The following OSBPL8 variants were observed in gnomAD, a reference collection of about 807,000 sequenced individuals.
The protein encoded by OSBPL8 is oxysterol-binding protein-related protein 8.
Under a neutral mutation model 125.5 loss-of-function variants are expected in OSBPL8, and 59 were observed. The observed-to-expected ratio is 0.47, with a 90% confidence interval of 0.38 to 0.58. The LOEUF (loss-of-function observed/expected upper bound fraction) is 0.58. OSBPL8 is among the 20% of genes least tolerant of loss of function. OSBPL8 has a pLI of 0.00. For missense variants in OSBPL8, 758 were observed against 1,047.8 expected (o/e 0.72, Z 3.82); for synonymous variants, 330 against 338.9 (o/e 0.97, Z 0.29).
At chr12:76,511,367 A>G (rs1248589984) in intron 1 of OSBPL8, among the ~76,000 whole-genome samples, 1 of 152,222 alleles carries the variant, frequency 6.6e-6, no homozygotes, top group Admixed American at 6.5e-5. Flanking sequence ...CCAACAGTGT[A>G]TAAGTGTTCC....
At chr12:76,556,128 A>G (rs1192366891) in intron 1 of OSBPL8, among the ~76,000 whole-genome samples, 1 of 152,088 alleles carries the variant, frequency 6.6e-6, no homozygotes, top group Non-Finnish European at 1.5e-5. Context: ...ACATTATCAG[A>G]TACTCCTTTT....
intron 1 of OSBPL8, among the ~76,000 whole-genome samples, chr12:76,507,022 A>G (rs553630274): frequency 3.3e-5 from 5 of 149,840 alleles, no homozygotes; most frequent in Admixed American, 1.3e-4. Flanking sequence ...TTTTTGTAAA[A>G]GAGTATGGCA....
At chr12:76,475,947 T>G (rs1876753489) in intron 2 of OSBPL8, among the ~76,000 whole-genome samples, 1 of 152,224 alleles carries the variant, frequency 6.6e-6, no homozygotes, top group Admixed American at 6.5e-5. Flanking sequence ...ACTGTTGCAG[T>G]ACACACATAC....
At chr12:76,464,183 T>C (rs1875091017) in intron 2 of OSBPL8, among the ~76,000 whole-genome samples, 2 of 152,170 alleles carry the variant, frequency 1.3e-5, no homozygotes, top group African/African-American at 4.8e-5. Context: ...GCAGGAGGAC[T>C]GCTTGAGCCC....
intron 15 of OSBPL8, among the ~76,000 whole-genome samples, chr12:76,380,784 G>C (rs1376199786): frequency 6.6e-6 from 1 of 152,044 alleles, no homozygotes; most frequent in East Asian, 1.9e-4. Flanking sequence ...ATACAATTTT[G>C]TATAGAAGTA....
chr12:76,433,325 C>T (rs1763362091), intron 4 of OSBPL8, among the ~76,000 whole-genome samples: 1 of 152,016 alleles, frequency 6.6e-6, no homozygotes, highest in Non-Finnish European at 1.5e-5. Flanking sequence ...ACGTAGAAAA[C>T]CCTACAGGTT....
chr12:76,484,109 C>T (rs987608663), intron 2 of OSBPL8, among the ~76,000 whole-genome samples: 1 of 152,184 alleles, frequency 6.6e-6, no homozygotes, highest in Non-Finnish European at 1.5e-5. Context: ...GCACTCAAAG[C>T]CTTCCATAAA....
chr12:76,486,939 GATAAA>G (rs1265625544), intron 2 of OSBPL8, among the ~76,000 whole-genome samples: 1 of 150,216 alleles, frequency 6.7e-6, no homozygotes, highest in Non-Finnish European at 1.5e-5. Flanking sequence ...TGGAAGGATA[GATAAA>G]ATAAGAGGAG....
chr12:76,549,704 C>T (rs1950882316), intron 1 of OSBPL8, among the ~76,000 whole-genome samples: 1 of 152,154 alleles, frequency 6.6e-6, no homozygotes, highest in Non-Finnish European at 1.5e-5. Flanking sequence ...TTCTAATCAG[C>T]ATCCCTAGAT....
intron 4 of OSBPL8, among the ~76,000 whole-genome samples, chr12:76,433,712 C>G (rs1041418435): frequency 6.6e-6 from 1 of 152,028 alleles, no homozygotes; most frequent in Non-Finnish European, 1.5e-5. Context: ...TGGTGGCTCA[C>G]ACCTGTAATC....
chr12:76,524,497 AC>A (rs1950110770), intron 1 of OSBPL8, among the ~76,000 whole-genome samples: 2 of 152,158 alleles, frequency 1.3e-5, no homozygotes, highest in African/African-American at 4.8e-5. Context: ...ACTGATCTTC[AC>A]ACAAATCCTG....
At chr12:76,398,543 T>C (rs987571769) in intron 7 of OSBPL8, among the ~76,000 whole-genome samples, 1 of 152,232 alleles carries the variant, frequency 6.6e-6, no homozygotes, top group Non-Finnish European at 1.5e-5. Flanking sequence ...ATAGTAAGTC[T>C]AAAACTACTT....
At chr12:76,448,568 C>G (rs895177757) in intron 4 of OSBPL8, among the ~76,000 whole-genome samples, 1 of 152,078 alleles carries the variant, frequency 6.6e-6, no homozygotes, top group Admixed American at 6.6e-5. Context: ...ATTTTGGCAA[C>G]AAAAATGCTA....
At chr12:76,515,596 G>C (rs1366798096) in intron 1 of OSBPL8, among the ~76,000 whole-genome samples, 2 of 152,120 alleles carry the variant, frequency 1.3e-5, no homozygotes, top group Non-Finnish European at 2.9e-5. Flanking sequence ...TTCCCCTTGA[G>C]TGCTGGTTGT....
intron 2 of OSBPL8, among the ~76,000 whole-genome samples, chr12:76,477,781 G>T (rs989588371): frequency 6.6e-6 from 1 of 151,850 alleles, no homozygotes; most frequent in South Asian, 2.1e-4. Flanking sequence ...CGAAGGGGGG[G>T]TACAACATAT....
chr12:76,431,999 A>C (rs1870889322), intron 4 of OSBPL8, among the ~76,000 whole-genome samples: 1 of 152,186 alleles, frequency 6.6e-6, no homozygotes, highest in Non-Finnish European at 1.5e-5. Context: ...AAGTCTTAAA[A>C]AATTTAAAAG....
chr12:76,397,602 G>A (rs1014808546), intron 8 of OSBPL8, 92 bp downstream of exon 8: 18 of 1,217,084 alleles, frequency 1.5e-5, no homozygotes, highest in African/African-American at 4.6e-5. Context: ...ATAAGTCCTG[G>A]CAGAGGACTA....
At chr12:76,499,304 CTCTATCTATCTA>C (rs1555231510) in intron 1 of OSBPL8, among the ~76,000 whole-genome samples, 5 of 128,088 alleles carry the variant, frequency 3.9e-5, no homozygotes, top group East Asian at 2.1e-4. Context: ...ACTTAATAAA[CTCTATCTATCTA>C]TCTATCTATC....
At chr12:76,510,454 TA>T (rs1880857063) in intron 1 of OSBPL8, among the ~76,000 whole-genome samples, 2 of 152,186 alleles carry the variant, frequency 1.3e-5, no homozygotes, top group African/African-American at 4.8e-5. Context: ...ATTCTCAAGG[TA>T]CAAAAGAAAT....
Sources: allele counts gnomAD v4.1 joint callset (sites outside exome capture counted in the v4.1 genomes callset), GRCh38; gene constraint gnomAD v4.1.1; transcripts MANE v1.5; gene names NCBI Gene and HGNC (gene_info 2026-07-23, HGNC 2026-07-21).